CACNA1B: variants seen among roughly 807,000 people sequenced by gnomAD.
CACNA1B encodes the protein voltage-dependent N-type calcium channel subunit alpha-1B.
CACNA1B carries 70 observed loss-of-function variants against 247.2 expected under a neutral mutation model. That is an observed-to-expected ratio of 0.28 (90% confidence interval 0.23 to 0.35). The LOEUF is 0.35. CACNA1B is among the 10% of genes least tolerant of loss of function. The pLI, the probability that CACNA1B is intolerant of heterozygous loss-of-function variation, is 1.00. For synonymous variants in CACNA1B, 1,231 were observed against 1,294.4 expected (o/e 0.95, Z 1.05); for missense variants, 2,367 against 3,197.4 (o/e 0.74, Z 6.26).
rs138887962 is a variant in CACNA1B, at chr9:138,122,141, C to A, written c.*142C>A. On this transcript the variant is annotated 3_prime_UTR_variant, in exon 47 of 47. Transcript: ENST00000371372. ...CTCCTGTGGCCCCTCCCTCCCCCTC[C>A]TCCCCTCTTTTACTCTAGACGACGA... is the stretch of plus-strand genomic sequence containing the variant. 1,528 of 688,252 alleles carry A rather than the reference C, an allele frequency of 2.2e-3. 25 individuals are homozygous for A. The African/African-American group carries it at 0.025, about 11-fold the overall frequency. The allele number at this position is 688,252 out of a possible 1,614,324, so 42.6% of individuals were successfully genotyped here.
At chr9:137,993,071 C>A (rs879436508) in intron 15 of CACNA1B, among the ~76,000 whole-genome samples, 13 of 152,238 alleles carry the variant, frequency 8.5e-5, no homozygotes, top group Non-Finnish European at 1.5e-4. Context: ...TAAATGCCTA[C>A]ATCAGAAAGA....
At chr9:137,936,680 T>C (rs1330657773) in intron 6 of CACNA1B, among the ~76,000 whole-genome samples, 3 of 152,216 alleles carry the variant, frequency 2.0e-5, no homozygotes, top group Non-Finnish European at 4.4e-5. Context: ...AGGGATCCAG[T>C]TTCAGCTTTC....
At chr9:137,985,250 T>C (rs1182941680) in intron 13 of CACNA1B, among the ~76,000 whole-genome samples, 1 of 152,230 alleles carries the variant, frequency 6.6e-6, no homozygotes, top group African/African-American at 2.4e-5. Flanking sequence ...TATGAAGCTA[T>C]AAAGGCAGAA....
At chr9:137,924,790 G>A (rs1957531280) in intron 6 of CACNA1B, among the ~76,000 whole-genome samples, 1 of 152,194 alleles carries the variant, frequency 6.6e-6, no homozygotes, top group African/African-American at 2.4e-5. Context: ...TTCTTTGAAT[G>A]ATTCTAATGT....
At chr9:138,049,346 G>A in intron 24 of CACNA1B, 31 bp downstream of exon 24, 2 of 1,343,902 alleles carry the variant, frequency 1.5e-6, no homozygotes, top group Non-Finnish European at 1.1e-6. Context: ...TCTGGCTAGG[G>A]AGAGCCCCCA....
intron 37 of CACNA1B, among the ~76,000 whole-genome samples, chr9:138,098,088 G>A (rs751824007): frequency 2.1e-4 from 32 of 152,180 alleles, no homozygotes; most frequent in African/African-American, 7.2e-4. Flanking sequence ...CATTTGAGTC[G>A]GAAATATACA....
chr9:138,105,742 C>T lies in CACNA1B; in HGVS notation c.5363C>T (p.Thr1788Ile). 1 of 1,567,148 alleles carries T rather than the reference C, an allele frequency of 6.4e-7. No individual in the cohort carries two copies. The highest frequency in any genetic ancestry group is 8.6e-7 in the Non-Finnish European group (1 of 1,156,934). The change falls in exon 39 of 47, where the codon ACT (threonine) becomes ATT (isoleucine). Residue 1788 changes from threonine to isoleucine, a missense_variant. Thr to Ile is a moderately conservative substitution (Grantham distance 89). Coordinates refer to ENST00000371372, the MANE Select transcript of CACNA1B (RefSeq NM_000718.4). ...MNMPISNEDM[T>I]VHFTSTLMAL... ...ATGCCCATCTCCAACGAGGACATGA[C>T]TGTTCACTTCACGTCCACGCTGATG... is the stretch of plus-strand genomic sequence containing the variant.
intron 36 of CACNA1B, among the ~76,000 whole-genome samples, chr9:138,083,987 G>C (rs568164674): frequency 1.3e-5 from 2 of 151,010 alleles, no homozygotes; most frequent in South Asian, 4.2e-4. Flanking sequence ...AATTGCAGCT[G>C]TATCCAACTT....
rs1291917311 is a variant in CACNA1B at position 137,917,153 on chromosome 9, T to C, written c.776-88T>C. On this transcript the variant is annotated intron_variant, in intron 5 of 46. Coordinates refer to ENST00000371372, the MANE Select transcript of CACNA1B (RefSeq NM_000718.4). This position sits in a 1 kb window ranked among gnomAD's most constrained non-coding sequence, Gnocchi z 5.5. ...GTGGCTGGTTCCTGCCCACCTGCTG[T>C]GAGCTCTCCAGAGCCCAGGAATCCT... 1.6e-6 allele frequency: 2 copies of C among 1,247,578 alleles called. No individual in the cohort carries two copies. The highest frequency in any genetic ancestry group is 2.4e-5 in the East Asian group (1 of 42,224). 77.3% of individuals were successfully genotyped at this position (1,247,578 alleles called of 1,614,324 possible). A position where few individuals can be genotyped will look rare whatever the true frequency, so the allele number is the denominator to read the frequency against.
chr9:138,112,298 A>G, intron 39 of CACNA1B, 100 bp from the exon 40 acceptor site: 2 of 793,416 alleles, frequency 2.5e-6, no homozygotes, highest in Non-Finnish European at 4.4e-6. Context: ...CGCCTACACC[A>G]TTCATCTCCC....
intron 15 of CACNA1B, among the ~76,000 whole-genome samples, chr9:137,994,460 T>A (rs1958472889): frequency 6.6e-6 from 1 of 152,202 alleles, no homozygotes; most frequent in African/African-American, 2.4e-5. Flanking sequence ...CCCCAAAGAC[T>A]TTTCCAAAAA....
chr9:138,065,239 A>G (rs140694330), intron 31 of CACNA1B, among the ~76,000 whole-genome samples: 278 of 152,176 alleles, frequency 1.8e-3, no homozygotes, highest in Non-Finnish European at 3.4e-3. Flanking sequence ...CCTGCCACAC[A>G]TACCCGTTAT....
At chr9:137,985,494 G>A (rs994179361) in intron 13 of CACNA1B, among the ~76,000 whole-genome samples, 2 of 152,216 alleles carry the variant, frequency 1.3e-5, no homozygotes, top group African/African-American at 4.8e-5. Flanking sequence ...GCTAGTCCCA[G>A]GAGAAGGTTC....
Position 137,919,370 on chromosome 9 carries a change from G to A in CACNA1B, c.966+1939G>A, listed in dbSNP as rs1431125678. Among the ~76,000 whole-genome samples, 1 of 152,238 alleles carries A rather than the reference G, an allele frequency of 6.6e-6. No homozygotes were observed. Among genetic ancestry groups the A allele is most frequent in the Non-Finnish European group, 1.5e-5 (1 of 68,042 alleles). On this transcript the variant is annotated intron_variant, in intron 6 of 46. Coordinates refer to ENST00000371372, the MANE Select transcript of CACNA1B (RefSeq NM_000718.4). This position sits in a 1 kb window ranked among gnomAD's most constrained non-coding sequence, Gnocchi z 4.6. ...ACAGGGTACTGGGAGGGCAAGGCCT[G>A]GTGAGGTCTAGAAACCAGACATGCA...
At chr9:137,920,667 T>A (rs1957467207) in intron 6 of CACNA1B, among the ~76,000 whole-genome samples, 1 of 152,198 alleles carries the variant, frequency 6.6e-6, no homozygotes, top group Non-Finnish European at 1.5e-5. Context: ...TGGAGGTAAA[T>A]CATGTTGCTT....
intron 6 of CACNA1B, among the ~76,000 whole-genome samples, chr9:137,948,889 CTGA>C (rs1957832005): frequency 2.6e-5 from 3 of 116,136 alleles, no homozygotes; most frequent in Non-Finnish European, 5.4e-5. Flanking sequence ...GTGTGTGTGT[CTGA>C]TGTGTGTGGT....
At chr9:138,105,857 C>A in intron 39 of CACNA1B, 50 bp downstream of exon 39, 1 of 1,004,994 alleles carries the variant, frequency 1.0e-6, no homozygotes, top group African/African-American at 1.6e-5. Context: ...GGATGTGCAC[C>A]TCCGCCCTCA....
intron 31 of CACNA1B, among the ~76,000 whole-genome samples, chr9:138,063,356 T>C (rs949984808): frequency 6.6e-6 from 1 of 152,098 alleles, no homozygotes; most frequent in African/African-American, 2.4e-5. Context: ...TAGCCAGGCA[T>C]AGTGGCACAC....
chr9:138,084,526 C>G (rs182522968), intron 36 of CACNA1B, among the ~76,000 whole-genome samples: 1 of 151,480 alleles, frequency 6.6e-6, no homozygotes, highest in African/African-American at 2.4e-5. Flanking sequence ...GACTATACCA[C>G]TGCACCTGGA....
Sources: allele counts gnomAD v4.1 joint callset (sites outside exome capture counted in the v4.1 genomes callset), GRCh38; gene constraint gnomAD v4.1.1; non-coding constraint Gnocchi (gnomAD v3.1); transcripts MANE v1.5; gene names NCBI Gene and HGNC (gene_info 2026-07-23, HGNC 2026-07-21).